Variants in NSD1 observed in about 807,000 individuals in gnomAD.
NSD1 encodes histone-lysine N-methyltransferase, H3 lysine-36 specific.
A neutral mutation model predicts 242.7 loss-of-function variants in NSD1; 26 were observed. The ratio of observed to expected loss-of-function variants is 0.11; its 90% confidence interval spans 0.08 to 0.15. NSD1 has a LOEUF of 0.15. Among genes scored for constraint, NSD1 ranks in the 10% least tolerant of loss-of-function variants. The probability of loss-of-function intolerance (pLI) is 1.00; values close to 1 mark genes in which losing one functional copy is unlikely to be tolerated. For synonymous variants in NSD1, 1,106 were observed against 1,178.1 expected (o/e 0.94, Z 1.25); for missense variants, 2,495 against 3,272.8 (o/e 0.76, Z 5.80).
chr5:177,185,848 T>C (rs1284112924), intron 2 of NSD1, among the ~76,000 whole-genome samples: 5 of 87,310 alleles, frequency 5.7e-5, no homozygotes, highest in Non-Finnish European at 9.9e-5. Flanking sequence ...TATTTAAATA[T>C]ATATTATATA....
upstream of NSD1, among the ~76,000 whole-genome samples, chr5:177,133,443 G>T (rs1554166920): frequency 2.0e-5 from 3 of 151,842 alleles, no homozygotes; most frequent in South Asian, 6.2e-4. The surrounding 1 kb of genome is among the most constrained non-coding windows in gnomAD (Gnocchi z 6.2). Context: ...ACGCCCGCAG[G>T]CCCCGACACT....
intron 5 of NSD1, among the ~76,000 whole-genome samples, chr5:177,217,120 T>C (rs1581345929): frequency 6.6e-6 from 1 of 152,256 alleles, no homozygotes; most frequent in East Asian, 1.9e-4. Context: ...CTTAACAATA[T>C]TAAGTTTTCC....
chr5:177,208,377 G>A (rs1192901381), intron 4 of NSD1, among the ~76,000 whole-genome samples: 1 of 152,056 alleles, frequency 6.6e-6, no homozygotes, highest in African/African-American at 2.4e-5. Flanking sequence ...TTAGCCAGGT[G>A]GCTAGTGATA....
intron 2 of NSD1, among the ~76,000 whole-genome samples, chr5:177,186,796 C>T (rs532449255): frequency 6.6e-6 from 1 of 152,098 alleles, no homozygotes; most frequent in Non-Finnish European, 1.5e-5. Flanking sequence ...CGAAAGCAGC[C>T]TGGGGAACAC....
At chr5:177,193,775 T>C (rs1458650432) in intron 3 of NSD1, among the ~76,000 whole-genome samples, 1 of 152,084 alleles carries the variant, frequency 6.6e-6, no homozygotes, top group African/African-American at 2.4e-5. Context: ...TTTGTTGTTG[T>C]TGTTGTTGTT....
At chr5:177,222,739 A>G (rs944890094) in intron 5 of NSD1, among the ~76,000 whole-genome samples, 4 of 152,186 alleles carry the variant, frequency 2.6e-5, no homozygotes, top group African/African-American at 7.2e-5. Flanking sequence ...TATTTTACAT[A>G]TAAGTCCATT....
chr5:177,220,991 G>C, intron 5 of NSD1: 1 of 453,626 alleles, frequency 2.2e-6, no homozygotes, highest in Admixed American at 2.4e-5. Flanking sequence ...AGCCTCCTGA[G>C]TAGCTGGGGC....
intron 17 of NSD1, among the ~76,000 whole-genome samples, chr5:177,276,752 G>A (rs1424452834): frequency 6.6e-6 from 1 of 152,050 alleles, no homozygotes; most frequent in Non-Finnish European, 1.5e-5. Context: ...TTATAGGCAT[G>A]AGCTGCCACT....
At chr5:177,142,358 A>G (rs747389702) in intron 2 of NSD1, among the ~76,000 whole-genome samples, 1 of 152,246 alleles carries the variant, frequency 6.6e-6, no homozygotes, top group Non-Finnish European at 1.5e-5. Context: ...AAGGAACTTC[A>G]CTGTGTGGCA....
chr5:177,293,507 A>G (rs1201870252), intron 22 of NSD1, among the ~76,000 whole-genome samples: 1 of 151,800 alleles, frequency 6.6e-6, no homozygotes, highest in East Asian at 1.9e-4. Flanking sequence ...TTTCATGTAA[A>G]AGAAACTTTT....
rs1431048535 is a variant in NSD1 at position 177,238,442 on chromosome 5, C to A, written c.4127C>A (p.Pro1376His). The A allele has an allele frequency of 1.9e-6, 3 of 1,614,024 alleles. No homozygotes were observed. The African/African-American group carries it at 4.0e-5, about 22-fold the overall frequency. ...TTGCCGCAGCTGACCTTGTCTGTGC[C>A]TGTGGCTCCGGAAGTCTCTCCACGG... ...AELPQLTLSV[P>H]VAPEVSPRPA... The change falls in exon 7 of 23, where the codon CCT (proline) becomes CAT (histidine). Residue 1376 changes from proline (P) to histidine (H), a missense_variant. By Grantham distance (77) the Pro-to-His change is moderately conservative. Around this residue, in one of 19 missense-constraint regions of NSD1, gnomAD observed 100 missense variants for 190.7 expected, o/e 0.52. Transcript: ENST00000439151. This position sits in a 1 kb window ranked among gnomAD's most constrained non-coding sequence, Gnocchi z 4.6.
chr5:177,235,159 C>T (rs572327177), intron 5 of NSD1, among the ~76,000 whole-genome samples: 1 of 152,268 alleles, frequency 6.6e-6, no homozygotes, highest in Non-Finnish European at 1.5e-5. Context: ...GATGGTAATG[C>T]CAAACAACCA....
intron 14 of NSD1, among the ~76,000 whole-genome samples, chr5:177,261,514 C>G (rs1243366011): frequency 6.6e-6 from 1 of 152,042 alleles, no homozygotes; most frequent in Non-Finnish European, 1.5e-5. Context: ...GCACTCATCA[C>G]CAGTATGTTA....
At chr5:177,283,536 C>T (rs1438438936) in intron 19 of NSD1, among the ~76,000 whole-genome samples, 1 of 152,176 alleles carries the variant, frequency 6.6e-6, no homozygotes, top group African/African-American at 2.4e-5. Context: ...ACGCAGAATG[C>T]TGCACCCCAC....
intron 10 of NSD1, 183 bp from the exon 11 acceptor site, chr5:177,247,998 G>A: frequency 5.1e-6 from 5 of 985,444 alleles, no homozygotes; most frequent in Non-Finnish European, 6.0e-6. Context: ...GGCAGGGCAT[G>A]AGGCGCCCAC....
intron 3 of NSD1, among the ~76,000 whole-genome samples, chr5:177,203,777 A>G (rs1762670526): frequency 6.6e-6 from 1 of 150,492 alleles, no homozygotes; most frequent in African/African-American, 2.4e-5. Flanking sequence ...CATCTTCTGT[A>G]TTTTTGGAAC....
chr5:177,188,603 G>C (rs1301594751), intron 2 of NSD1, among the ~76,000 whole-genome samples: 2 of 152,008 alleles, frequency 1.3e-5, no homozygotes, highest in Non-Finnish European at 2.9e-5. Flanking sequence ...GTTTATAATG[G>C]ATCATACAGT....
chr5:177,184,531 G>T (rs1760943033), intron 2 of NSD1, among the ~76,000 whole-genome samples: 3 of 151,032 alleles, frequency 2.0e-5, no homozygotes, highest in Middle Eastern at 3.4e-3. Context: ...CTTGTTTTGG[G>T]TTTTTTTTTC....
At chr5:177,181,585 C>T (rs1314435125) in intron 2 of NSD1, among the ~76,000 whole-genome samples, 1 of 151,720 alleles carries the variant, frequency 6.6e-6, no homozygotes, top group Non-Finnish European at 1.5e-5. Flanking sequence ...GCCAGTATGC[C>T]TGGCTAATTT....
Sources: allele counts gnomAD v4.1 joint callset (sites outside exome capture counted in the v4.1 genomes callset), GRCh38; gene constraint gnomAD v4.1.1; regional missense constraint gnomAD v4.1.1; non-coding constraint Gnocchi (gnomAD v3.1); transcripts MANE v1.5; gene names NCBI Gene and HGNC (gene_info 2026-07-23, HGNC 2026-07-21).